CDYL2: variants seen among roughly 807,000 people sequenced by gnomAD.
CDYL2 encodes the protein chromodomain Y-like protein 2.
In CDYL2, 23 loss-of-function variants were observed where a neutral mutation model predicts 49.4. The ratio of observed to expected loss-of-function variants is 0.47; its 90% CI spans 0.34 to 0.66. CDYL2 has a LOEUF of 0.66. CDYL2 is among the 30% of genes least tolerant of loss of function. The probability of loss-of-function intolerance (pLI) is 0.01; values close to 1 mark genes in which losing one functional copy is unlikely to be tolerated. For synonymous variants in CDYL2, 360 were observed against 268.8 expected, an observed-to-expected ratio of 1.34 and a Z score of -3.32; for missense variants, 678 against 656.4, an observed-to-expected ratio of 1.03 and a Z score of -0.36.
At chr16:80,721,838 TCCC>T (rs1189785751) in intron 1 of CDYL2, among the ~76,000 whole-genome samples, 1 of 152,080 alleles carries the variant, frequency 6.6e-6, no homozygotes, top group African/African-American at 2.4e-5. Context: ...TGCCATGCAG[TCCC>T]CACAGTTCCT....
At chr16:80,635,443 T>C (rs1449926113) in intron 2 of CDYL2, among the ~76,000 whole-genome samples, 1 of 152,164 alleles carries the variant, frequency 6.6e-6, no homozygotes, top group Non-Finnish European at 1.5e-5. Context: ...AGCCAAATCA[T>C]GAGTGAACTA....
chr16:80,803,201 C>T (rs898704471), intron 1 of CDYL2, among the ~76,000 whole-genome samples: 4 of 152,192 alleles, frequency 2.6e-5, no homozygotes, highest in Admixed American at 6.5e-5. Flanking sequence ...AGCCCTTGCT[C>T]CCCAAAGACC....
chr16:80,689,617 T>C (rs77102083), intron 1 of CDYL2, among the ~76,000 whole-genome samples: 2 of 152,218 alleles, frequency 1.3e-5, no homozygotes, highest in Non-Finnish European at 2.9e-5. Flanking sequence ...AAGCAAAGCA[T>C]GAACCATTGG....
chr16:80,640,585 C>A (rs1332527090), intron 2 of CDYL2, among the ~76,000 whole-genome samples: 1 of 152,104 alleles, frequency 6.6e-6, no homozygotes, highest in Non-Finnish European at 1.5e-5. Flanking sequence ...TCCAGGAAAA[C>A]ATGACCTCAC....
intron 5 of CDYL2, among the ~76,000 whole-genome samples, chr16:80,610,850 A>T (rs1248977144): frequency 6.6e-6 from 1 of 152,082 alleles, no homozygotes; most frequent in East Asian, 1.9e-4. Context: ...GACCTATGAC[A>T]TCTGCTGGCA....
chr16:80,650,235 T>TA (rs1908527201), intron 2 of CDYL2, among the ~76,000 whole-genome samples: 3 of 152,166 alleles, frequency 2.0e-5, no homozygotes, highest in African/African-American at 7.2e-5. Flanking sequence ...AAGGGATTAA[T>TA]AACCAGCATA....
At chr16:80,743,976 A>G (rs1004580300) in intron 1 of CDYL2, among the ~76,000 whole-genome samples, 1 of 152,146 alleles carries the variant, frequency 6.6e-6, no homozygotes, top group Admixed American at 6.5e-5. Flanking sequence ...CTGCAAAGGG[A>G]AAAGGGAACC....
intron 1 of CDYL2, among the ~76,000 whole-genome samples, chr16:80,797,574 C>G (rs1439451137): frequency 1.3e-5 from 2 of 151,978 alleles, no homozygotes; most frequent in African/African-American, 4.8e-5. Flanking sequence ...TTTTTTCCAG[C>G]ATACCTGGTA....
chr16:80,608,359 A>C, intron 5 of CDYL2, 124 bp from the exon 6 acceptor site: 1 of 1,092,570 alleles, frequency 9.2e-7, no homozygotes, highest in Non-Finnish European at 1.3e-6. Context: ...CCAGATCCTT[A>C]TCTTATTTTG....
chr16:80,787,582 A>G (rs185042548), intron 1 of CDYL2, among the ~76,000 whole-genome samples: 98 of 152,070 alleles, frequency 6.4e-4, no homozygotes, highest in African/African-American at 2.3e-3. Context: ...CAGATATAAA[A>G]TATGTTCGTT....
chr16:80,676,740 G>C (rs1482423184), intron 2 of CDYL2, among the ~76,000 whole-genome samples: 1 of 152,140 alleles, frequency 6.6e-6, no homozygotes, highest in Non-Finnish European at 1.5e-5. Context: ...CTCTTTGTCT[G>C]GTTTGGAAAT....
intron 4 of CDYL2, among the ~76,000 whole-genome samples, chr16:80,615,232 C>T (rs549359728): frequency 6.6e-6 from 1 of 152,276 alleles, no homozygotes; most frequent in South Asian, 2.1e-4. Context: ...ACTTCCTAAC[C>T]TAATGGTGAG....
Position 80,684,540 on chromosome 16 carries a change from A to G in CDYL2, c.614T>C (p.Leu205Pro). The G allele has an allele frequency of 6.2e-7, 1 of 1,610,906 alleles. No individual in the cohort carries two copies. Among genetic ancestry groups the G allele is most frequent in the Non-Finnish European group, 8.5e-7 (1 of 1,177,714 alleles). ...CAAGAGAAAGAAAAGCTACAAACCG[A>G]GCCCGTTCTCCGCCAGTGTAGCGTG... ...VNHATLAENG[L>P]GSALTNGGLN... The change falls in exon 2 of 7, where the codon CTC becomes CCC. Residue 205 changes from leucine to proline, a missense_variant and splice_region_variant. Transcript: ENST00000570137.
At chr16:80,634,934 C>G (rs556742712) in intron 2 of CDYL2, among the ~76,000 whole-genome samples, 1 of 152,278 alleles carries the variant, frequency 6.6e-6, no homozygotes, top group South Asian at 2.1e-4. Flanking sequence ...AAAAGCTGTT[C>G]CAGAAAACAG....
intron 2 of CDYL2, among the ~76,000 whole-genome samples, chr16:80,677,024 G>A (rs1909776415): frequency 7.3e-6 from 1 of 137,502 alleles, no homozygotes; most frequent in Admixed American, 7.9e-5. Flanking sequence ...AGGCTGGAGT[G>A]CAGTGGCACA....
intron 2 of CDYL2, among the ~76,000 whole-genome samples, chr16:80,641,166 C>T (rs1908068716): frequency 6.6e-6 from 1 of 152,068 alleles, no homozygotes; most frequent in African/African-American, 2.4e-5. Context: ...AATAGTCAAA[C>T]TCCCAAAGCT....
intron 2 of CDYL2, among the ~76,000 whole-genome samples, chr16:80,633,652 C>A (rs967885562): frequency 9.2e-5 from 14 of 152,108 alleles, no homozygotes; most frequent in Admixed American, 7.2e-4. Context: ...TGCTAAGCAC[C>A]ACCCTCAAAT....
At chr16:80,658,605 G>C (rs903658464) in intron 2 of CDYL2, among the ~76,000 whole-genome samples, 4 of 152,164 alleles carry the variant, frequency 2.6e-5, no homozygotes, top group Admixed American at 6.5e-5. Flanking sequence ...GGGATGCAGA[G>C]AGGCAAGGAA....
chr16:80,665,977 G>A (rs1487686663), intron 2 of CDYL2, among the ~76,000 whole-genome samples: 4 of 152,186 alleles, frequency 2.6e-5, no homozygotes. Flanking sequence ...GACAGGGCAG[G>A]CTGAGGGTGG....
Sources: allele counts gnomAD v4.1 joint callset (sites outside exome capture counted in the v4.1 genomes callset), GRCh38; gene constraint gnomAD v4.1.1; transcripts MANE v1.5; gene names NCBI Gene and HGNC (gene_info 2026-07-23, HGNC 2026-07-21).